Variants in ZNF217 observed in about 807,000 individuals in gnomAD.
ZNF217 encodes zinc finger protein 217.
In ZNF217, 12 loss-of-function variants were observed where a neutral mutation model predicts 73.3. The ratio of observed to expected loss-of-function variants is 0.16; its 90% CI spans 0.10 to 0.27. The LOEUF (loss-of-function observed/expected upper bound fraction) is 0.27, where lower values mean the gene tolerates loss of function less well. ZNF217 is among the 10% of genes least tolerant of loss of function. The pLI, the probability that ZNF217 is intolerant of heterozygous loss-of-function variation, is 1.00. For synonymous variants in ZNF217, 588 were observed against 516.4 expected, an observed-to-expected ratio of 1.14 and a Z score of -1.88; for missense variants, 1,195 against 1,327.8, an observed-to-expected ratio of 0.90 and a Z score of 1.55.
chr20:53,597,254 A>AACC (rs1372025005), upstream of ZNF217, among the ~76,000 whole-genome samples: 1 of 152,204 alleles, frequency 6.6e-6, no homozygotes, highest in African/African-American at 2.4e-5. Flanking sequence ...ACTATTTGGA[A>AACC]ACTGTGTGTA....
rs1451759263 is a variant in ZNF217 at position 53,581,107 on chromosome 20, T to A, written c.1366+354A>T. Among the ~76,000 whole-genome samples, 1 of 152,058 alleles carries A rather than the reference T, an allele frequency of 6.6e-6. No individual in the cohort carries two copies. Among genetic ancestry groups the A allele is most frequent in the Non-Finnish European group, 1.5e-5 (1 of 68,022 alleles). On this transcript the variant is annotated intron_variant, in intron 2 of 5. Coordinates refer to ENST00000371471, the MANE Select transcript of ZNF217 (RefSeq NM_006526.3). This position sits in a 1 kb window ranked among gnomAD's most constrained non-coding sequence, Gnocchi z 4.9. ...GCCTCCAGACATTGCCAGATACTGA[T>A]TGGGAACAAAATCGCCCCAGTTAAG...
Position 53,576,697 on chromosome 20 carries a change from T to C in ZNF217, c.2067A>G (p.Leu689=). 1 of 1,614,202 alleles carries C rather than the reference T, an allele frequency of 6.2e-7. No individual in the cohort carries two copies. The highest frequency in any genetic ancestry group is 1.1e-5 in the South Asian group (1 of 91,082). Residue 689 remains leucine, a synonymous_variant, in exon 4 of 6, where the codon TTA becomes TTG. Coordinates refer to ENST00000371471, the MANE Select transcript of ZNF217 (RefSeq NM_006526.3). ...SVDCHEKPLN[L]SVGALHNCPA... is the part of the protein sequence containing the mutation. ...GGCAATTGTGAAGAGCCCCCACGGATAAATTTAAAGGTTTTTCGTGACAAT... is the reference window on the plus strand; with the variant it reads ...GGCAATTGTGAAGAGCCCCCACGGACAAATTTAAAGGTTTTTCGTGACAAT...
chr20:53,592,863 A>C (rs2145985991), intron 1 of ZNF217, among the ~76,000 whole-genome samples: 1 of 151,836 alleles, frequency 6.6e-6, no homozygotes, highest in East Asian at 1.9e-4. Flanking sequence ...AAAAGAAAAA[A>C]AAAAGCAGCA....
intron 5 of ZNF217, among the ~76,000 whole-genome samples, chr20:53,571,027 G>A (rs911749178): frequency 3.9e-5 from 6 of 152,176 alleles, no homozygotes; most frequent in Admixed American, 6.5e-5. Flanking sequence ...ACAACTGCCC[G>A]ACATTGCTGC....
In ZNF217 at chr20:53,576,554, G is replaced by T; in HGVS notation, c.2210C>A (p.Pro737His). ...GTTTCGACAGTTTTTATGAACGTCA[G>T]GATTGTATTTATGCTCCAGTCTCTG... ...MHQRLEHKYN[P>H]DVHKNCRNKS... Residue 737 changes from proline (P) to histidine (H), a missense_variant, in exon 4 of 6, where the codon CCT becomes CAT. This residue lies in a region of ZNF217 where 649 missense variants were observed against 642.8 expected (regional missense o/e 1.01). Transcript: ENST00000371471. 1 of 1,614,216 alleles carries T rather than the reference G, an allele frequency of 6.2e-7. No individual in the cohort carries two copies. The highest frequency in any genetic ancestry group is 8.5e-7 in the Non-Finnish European group (1 of 1,180,046).
intron 5 of ZNF217, among the ~76,000 whole-genome samples, chr20:53,569,751 C>T (rs960682576): frequency 2.6e-5 from 4 of 152,108 alleles, no homozygotes; most frequent in Admixed American, 6.6e-5. Flanking sequence ...GATAATGCTG[C>T]GAACTTTGGA....
At chr20:53,578,270 AC>A in intron 3 of ZNF217, 63 bp downstream of exon 3, 1 of 1,153,780 alleles carries the variant, frequency 8.7e-7, no homozygotes. Flanking sequence ...AACAACAACA[AC>A]AAAAAAATTA....
upstream of ZNF217, chr20:53,597,588 A>T (rs555027929): frequency 2.0e-5 from 3 of 149,034 alleles, no homozygotes; most frequent in Non-Finnish European, 3.0e-5. Context: ...CTATTAAAAA[A>T]ATATATTTAT....
upstream of ZNF217, among the ~76,000 whole-genome samples, chr20:53,595,274 G>C (rs1600735888): frequency 6.6e-6 from 1 of 152,316 alleles, no homozygotes; most frequent in East Asian, 1.9e-4. Context: ...ATGCAAATGT[G>C]AAATGGATCT....
chr20:53,571,663 T>TC, intron 5 of ZNF217, 58 bp downstream of exon 5: 1 of 1,550,556 alleles, frequency 6.4e-7, no homozygotes, highest in East Asian at 2.3e-5. Flanking sequence ...CGCCCTGACC[T>TC]CCCAAATGGC....
chr20:53,578,295 TTTAACTAA>T, intron 3 of ZNF217, 31 bp downstream of exon 3: 1 of 1,379,938 alleles, frequency 7.2e-7, no homozygotes, highest in South Asian at 1.3e-5. Flanking sequence ...AACTACATAA[TTTAACTAA>T]TGCATGGTTA....
Position 53,576,517 on chromosome 20 carries a change from A to G in ZNF217, c.2247T>C (p.Leu749=). 1 of 1,614,252 alleles carries G rather than the reference A, an allele frequency of 6.2e-7. No individual in the cohort carries two copies. The highest frequency in any genetic ancestry group is 8.5e-7 in the Non-Finnish European group (1 of 1,180,046). Residue 749 remains leucine (L), a synonymous_variant, in exon 4 of 6, where the codon CTT becomes CTC. Transcript: ENST00000371471. ...VHKNCRNKSL[L]RSRRTGCPPA... Reference sequence around the variant, plus strand: ...GCGGGCATCCGGTACGTCGACTTCTAAGCAAGGACTTGTTTCGACAGTTTT... The same window carrying G: ...GCGGGCATCCGGTACGTCGACTTCTGAGCAAGGACTTGTTTCGACAGTTTT...
intron 4 of ZNF217, among the ~76,000 whole-genome samples, chr20:53,572,055 T>C (rs1372247560): frequency 6.6e-6 from 1 of 152,180 alleles, no homozygotes; most frequent in East Asian, 1.9e-4. Context: ...TTGATGTCAC[T>C]AACATTAAAA....
rs137994648 is a variant in ZNF217, at chr20:53,575,764, C to G, written c.3000G>C (p.Val1000=). Residue 1000 remains valine, a synonymous_variant, in exon 4 of 6, where the codon GTG becomes GTC. Transcript: ENST00000371471. ...YGGSGPLYTC[V]PAGSPASSST... ...AGCTGGATGCTGGACTACCAGCAGG[C>G]ACACAAGTGTAAAGTGGCCCGGAGC... is the stretch of plus-strand genomic sequence containing the variant. 2 of 1,601,592 alleles carry G rather than the reference C, an allele frequency of 1.2e-6. No homozygotes were observed. The highest frequency in any genetic ancestry group is 1.7e-6 in the Non-Finnish European group (2 of 1,173,882).
intron 1 of ZNF217, among the ~76,000 whole-genome samples, chr20:53,587,181 G>A (rs182572786): frequency 2.0e-5 from 3 of 152,034 alleles, no homozygotes; most frequent in South Asian, 2.1e-4. Context: ...TTACCAGAGC[G>A]TAATCTTTGA....
intron 4 of ZNF217, among the ~76,000 whole-genome samples, chr20:53,574,137 T>C (rs1988138932): frequency 6.6e-6 from 1 of 152,000 alleles, no homozygotes; most frequent in Admixed American, 6.6e-5. Flanking sequence ...ATGTAAATAG[T>C]TGTTATACTG....
intron 4 of ZNF217, chr20:53,574,212 C>G (rs1435033065): frequency 6.6e-6 from 1 of 152,158 alleles, no homozygotes; most frequent in Non-Finnish European, 1.5e-5. Context: ...TGCGACCATC[C>G]ATTTTTCCCC....
chr20:53,580,953 C>T (rs562426783), intron 2 of ZNF217, among the ~76,000 whole-genome samples: 1 of 152,276 alleles, frequency 6.6e-6, no homozygotes, highest in South Asian at 2.1e-4. Flanking sequence ...AAACTATTGA[C>T]ATTTGGGACC....
chr20:53,572,259 G>A (rs1417613921), intron 4 of ZNF217, among the ~76,000 whole-genome samples: 1 of 152,110 alleles, frequency 6.6e-6, no homozygotes, highest in Non-Finnish European at 1.5e-5. Context: ...TAAAAAATTA[G>A]CTGGGTATGG....
Sources: gnomAD v4.1 joint callset for allele counts (sites outside exome capture counted in the v4.1 genomes callset) on GRCh38, gnomAD v4.1.1 for gene constraint, gnomAD v4.1.1 regional missense constraint, Gnocchi (gnomAD v3.1) non-coding constraint, MANE v1.5 for transcripts, NCBI Gene and HGNC (gene_info 2026-07-23, HGNC 2026-07-21) for gene names.